Variants in LYZL4 observed in about 807,000 individuals in gnomAD.
LYZL4 encodes the protein lysozyme like 4, also known as lysozyme-like protein 4.
A neutral mutation model predicts 17.6 loss-of-function variants in LYZL4; 13 were observed. The observed-to-expected ratio is 0.74, with a 90% CI of 0.48 to 1.18. The LOEUF is 1.18. LYZL4 is among the 50% of genes most tolerant of loss of function. LYZL4 has a pLI of 0.00. For missense variants in LYZL4, 174 were observed against 188.2 expected (o/e 0.92, Z 0.44); for synonymous variants, 64 against 67.7 (o/e 0.95, Z 0.27).
Position 42,397,150 on chromosome 3 carries a change from A to G in LYZL4, c.*115T>C, listed in dbSNP as rs970450993. On this transcript the variant is annotated 3_prime_UTR_variant, in exon 5 of 5. Coordinates refer to ENST00000287748, the MANE Select transcript of LYZL4 (RefSeq NM_144634.4). ...ATGAAGCAAACTTTTGTCTTTTTCC[A>G]TCTGGAACTCTTAAAGTGGTGAGAT... 1.3e-6 allele frequency: 1 copy of G among 755,232 alleles called. No individual in the cohort carries two copies. The highest frequency in any genetic ancestry group is 2.1e-5 in the South Asian group (1 of 48,306). The allele number at this position is 755,232 out of a possible 1,614,324, so 46.8% of individuals were successfully genotyped here. A position where few individuals can be genotyped will look rare whatever the true frequency, so the allele number is the denominator to read the frequency against.
the LYZL4 span, among the ~76,000 whole-genome samples, chr3:42,386,466 G>C: frequency 1.6e-5 from 2 of 126,978 alleles, no homozygotes; most frequent in Non-Finnish European, 3.1e-5. Flanking sequence ...TGGATATCCG[G>C]AATTATCTTC....
At chr3:42,404,220 C>CAG in intron 3 of LYZL4, 96 bp from the exon 4 acceptor site, 1 of 666,280 alleles carries the variant, frequency 1.5e-6, no homozygotes, top group South Asian at 2.3e-5. Flanking sequence ...ATCAGAGAGT[C>CAG]TTCCAGTGAA....
chr3:42,383,439 CAAA>C, the LYZL4 span, among the ~76,000 whole-genome samples: 139 of 108,888 alleles, frequency 1.3e-3, 1 homozygote, highest in African/African-American at 4.0e-3. Context: ...TGATTTCCAC[CAAA>C]AAAAAAAAAA....
the LYZL4 span, among the ~76,000 whole-genome samples, chr3:42,382,833 G>A: frequency 6.6e-6 from 1 of 151,996 alleles, no homozygotes; most frequent in Non-Finnish European, 1.5e-5. Context: ...GGAAAGCAGA[G>A]CATGCATAGC....
At chr3:42,396,071 GAAAAGAAA>G (rs1698546997), downstream of LYZL4, among the ~76,000 whole-genome samples, 1 of 151,648 alleles carries the variant, frequency 6.6e-6, no homozygotes, top group Non-Finnish European at 1.5e-5. Context: ...TCAAAAAAAA[GAAAAGAAA>G]AAAAGAAAAC....
At chr3:42,389,497 A>G in the LYZL4 span, among the ~76,000 whole-genome samples, 1 of 152,326 alleles carries the variant, frequency 6.6e-6, no homozygotes, top group African/African-American at 2.4e-5. Flanking sequence ...TTTGCCAGCA[A>G]CTAATTCCAC....
chr3:42,406,639 G>A (rs1223765040), intron 3 of LYZL4, among the ~76,000 whole-genome samples: 2 of 151,998 alleles, frequency 1.3e-5, no homozygotes, highest in Admixed American at 1.3e-4. Context: ...CTCCATCCTA[G>A]GTTAGCCTGC....
intron 4 of LYZL4, 52 bp from the exon 5 acceptor site, chr3:42,397,386 T>A (rs1363868771): frequency 3.0e-6 from 4 of 1,316,316 alleles, no homozygotes; most frequent in Non-Finnish European, 4.3e-6. Context: ...ACTCAGGGTC[T>A]CCAGGGCTTC....
the LYZL4 span, among the ~76,000 whole-genome samples, chr3:42,383,406 T>C: frequency 7.1e-6 from 1 of 141,288 alleles, no homozygotes; most frequent in Non-Finnish European, 1.5e-5. Flanking sequence ...AACCCCATCA[T>C]CTCCAGTATC....
the LYZL4 span, among the ~76,000 whole-genome samples, chr3:42,391,906 ACT>A: frequency 6.7e-6 from 1 of 149,014 alleles, no homozygotes; most frequent in Non-Finnish European, 1.5e-5. Context: ...ATGGAGTCTC[ACT>A]CTGTCACCCA....
the LYZL4 span, among the ~76,000 whole-genome samples, chr3:42,388,298 G>A: frequency 1.3e-5 from 2 of 152,164 alleles, no homozygotes; most frequent in African/African-American, 2.4e-5. Context: ...CAGCCTCCCA[G>A]TAATCAAGCA....
chr3:42,372,730 T>C, the LYZL4 span, among the ~76,000 whole-genome samples: 1 of 152,128 alleles, frequency 6.6e-6, no homozygotes, highest in Non-Finnish European at 1.5e-5. Context: ...TGCAACAGCT[T>C]AATGGGCTTA....
chr3:42,372,118 C>T, the LYZL4 span, among the ~76,000 whole-genome samples: 3 of 152,334 alleles, frequency 2.0e-5, no homozygotes, highest in Non-Finnish European at 2.9e-5. Context: ...TGGTCAGCCA[C>T]GTCCATTTCT....
At chr3:42,365,163 G>T in the LYZL4 span, among the ~76,000 whole-genome samples, 1 of 152,130 alleles carries the variant, frequency 6.6e-6, no homozygotes, top group African/African-American at 2.4e-5. Flanking sequence ...GCTATAAAGG[G>T]TATTTTATGG....
chr3:42,377,879 A>G, the LYZL4 span, among the ~76,000 whole-genome samples: 1 of 152,232 alleles, frequency 6.6e-6, no homozygotes, highest in East Asian at 1.9e-4. Flanking sequence ...AGATCTGTGG[A>G]CTCAGCAGTG....
At chr3:42,391,246 G>A in the LYZL4 span, among the ~76,000 whole-genome samples, 7 of 152,314 alleles carry the variant, frequency 4.6e-5, no homozygotes, top group African/African-American at 1.7e-4. Context: ...TGAATTTGGA[G>A]TTTGAGGGAA....
At chr3:42,402,219 T>C (rs544185076) in intron 4 of LYZL4, among the ~76,000 whole-genome samples, 2 of 149,338 alleles carry the variant, frequency 1.3e-5, no homozygotes, top group Non-Finnish European at 3.0e-5. Context: ...GGCAGGAGGA[T>C]CACTTGAGCC....
At chr3:42,394,244 T>C (rs1356173974), downstream of LYZL4, among the ~76,000 whole-genome samples, 5 of 152,228 alleles carry the variant, frequency 3.3e-5, no homozygotes, top group African/African-American at 1.2e-4. Flanking sequence ...CCTGCACTAG[T>C]TGCCTAATAC....
chr3:42,364,711 T>G, the LYZL4 span, among the ~76,000 whole-genome samples: 1 of 152,082 alleles, frequency 6.6e-6, no homozygotes, highest in Non-Finnish European at 1.5e-5. Context: ...TGGCTTCAAG[T>G]GGACCTCCCA....
Sources: allele counts gnomAD v4.1 joint callset (sites outside exome capture counted in the v4.1 genomes callset), GRCh38; gene constraint gnomAD v4.1.1; transcripts MANE v1.5; gene names NCBI Gene and HGNC (gene_info 2026-07-23, HGNC 2026-07-21).